TAOK1: variants seen among roughly 807,000 people sequenced by gnomAD.
TAOK1 encodes the protein serine/threonine-protein kinase TAO1.
A neutral mutation model predicts 138.3 loss-of-function variants in TAOK1; 21 were observed. That is an observed-to-expected ratio of 0.15 (90% CI 0.11 to 0.22). TAOK1 has a LOEUF of 0.22. TAOK1 is among the 10% of genes least tolerant of loss of function. The pLI is 1.00. For synonymous variants in TAOK1, 361 were observed against 398.4 expected (o/e 0.91, Z 1.12); for missense variants, 651 against 1,227.7 (o/e 0.53, Z 7.02).
At chr17:29,419,482 G>A (rs77078712) in intron 1 of TAOK1, among the ~76,000 whole-genome samples, 35,803 of 147,146 alleles carry the variant, frequency 0.24, 4,864 homozygotes, top group East Asian at 0.66. Context: ...GAGCCACTGC[G>A]CCCGGCAGTA....
At chr17:29,400,900 G>C (rs2153020089) in intron 1 of TAOK1, among the ~76,000 whole-genome samples, 1 of 133,834 alleles carries the variant, frequency 7.5e-6, no homozygotes, top group Admixed American at 8.3e-5. Context: ...ACTTTTGTTT[G>C]CCTCTTTTTT....
intron 18 of TAOK1, among the ~76,000 whole-genome samples, chr17:29,532,424 G>A (rs2150773377): frequency 6.6e-6 from 1 of 150,904 alleles, no homozygotes; most frequent in Non-Finnish European, 1.5e-5. Flanking sequence ...TAGGACAATA[G>A]TGGAGGGAAG....
At chr17:29,530,962 A>ATT (rs66788063) in intron 18 of TAOK1, among the ~76,000 whole-genome samples, 1 of 96,186 alleles carries the variant, frequency 1.0e-5, no homozygotes, top group Admixed American at 1.5e-4. Context: ...ACAAGTACAA[A>ATT]TTTTTTTTTT....
chr17:29,522,162 A>T, intron 16 of TAOK1, 118 bp from the exon 17 acceptor site: 1 of 1,313,422 alleles, frequency 7.6e-7, no homozygotes, highest in South Asian at 1.5e-5. Context: ...TTACTATGCA[A>T]CTATAATTGA....
intron 12 of TAOK1, among the ~76,000 whole-genome samples, chr17:29,501,953 C>T (rs2091910042): frequency 6.6e-6 from 1 of 152,120 alleles, no homozygotes; most frequent in African/African-American, 2.4e-5. Context: ...GGGAGGATCG[C>T]TAGAGCCCAG....
At chr17:29,468,112 C>T (rs2030719262) in intron 3 of TAOK1, among the ~76,000 whole-genome samples, 1 of 117,120 alleles carries the variant, frequency 8.5e-6, no homozygotes. Context: ...CAGGTGTGAA[C>T]CACTGTGCTT....
intron 17 of TAOK1, among the ~76,000 whole-genome samples, chr17:29,523,756 A>T (rs185644333): frequency 6.6e-6 from 1 of 152,166 alleles, no homozygotes; most frequent in African/African-American, 2.4e-5. Context: ...TGCTCTGTAC[A>T]TATCTGTACA....
intron 2 of TAOK1, among the ~76,000 whole-genome samples, chr17:29,454,927 G>GT (rs923504905): frequency 1.3e-5 from 2 of 151,382 alleles, no homozygotes; most frequent in Admixed American, 6.6e-5. Flanking sequence ...GGTATTTTTT[G>GT]TTTTTTGTTG....
intron 17 of TAOK1, among the ~76,000 whole-genome samples, chr17:29,524,868 C>A (rs1272816689): frequency 6.6e-6 from 1 of 152,134 alleles, no homozygotes; most frequent in African/African-American, 2.4e-5. Flanking sequence ...CTGCCTACTC[C>A]GCTGTTTCTT....
intron 13 of TAOK1, among the ~76,000 whole-genome samples, chr17:29,505,549 A>G (rs1193218423): frequency 6.6e-6 from 1 of 152,056 alleles, no homozygotes; most frequent in African/African-American, 2.4e-5. Context: ...TAAAAATACA[A>G]AAATTAGCCG....
chr17:29,508,844 T>C (rs2031669438), intron 14 of TAOK1, among the ~76,000 whole-genome samples: 1 of 152,214 alleles, frequency 6.6e-6, no homozygotes, highest in South Asian at 2.1e-4. Context: ...ATTTTTGTTA[T>C]GTGAAACCTT....
At chr17:29,483,058 A>G (rs1425975011) in intron 8 of TAOK1, among the ~76,000 whole-genome samples, 1 of 152,110 alleles carries the variant, frequency 6.6e-6, no homozygotes, top group Non-Finnish European at 1.5e-5. Context: ...TCTTCTTATA[A>G]GAGCATTGCA....
Position 29,502,709 on chromosome 17 carries a change from C to A in TAOK1, c.1324C>A (p.Arg442=). ...TAATCGAGAACACTTTGCTACTATA[C>A]GGACAGCATCACTGGTATGTACTTA... ...YRNREHFATI[R]TASLVTRQMQ... The change falls in exon 13 of 20, where the codon CGG becomes AGG. Residue 442 remains arginine (R), a synonymous_variant. Coordinates refer to ENST00000261716, the MANE Select transcript of TAOK1 (RefSeq NM_020791.4). 1 of 1,613,480 alleles carries A rather than the reference C, an allele frequency of 6.2e-7. No individual in the cohort carries two copies. Among genetic ancestry groups the A allele is most frequent in the Non-Finnish European group, 8.5e-7 (1 of 1,179,828 alleles).
chr17:29,475,618 C>A lies in TAOK1; in HGVS notation c.205-52C>A, dbSNP rs1447246311. On this transcript the variant is annotated intron_variant, in intron 3 of 19. Coordinates refer to ENST00000261716, the MANE Select transcript of TAOK1 (RefSeq NM_020791.4). ...AGTAATTACTTTTATTCTTATATAACTTTCTGAGGAAAAGTCCTGTTCATA... is the reference window on the plus strand; with the variant it reads ...AGTAATTACTTTTATTCTTATATAAATTTCTGAGGAAAAGTCCTGTTCATA... 2.5e-6 allele frequency: 3 copies of A among 1,218,858 alleles called. No homozygotes were observed. In the Admixed American group the frequency reaches 6.3e-5, roughly 26 times the overall value. 75.5% of individuals were successfully genotyped at this position (1,218,858 alleles called of 1,614,324 possible).
In TAOK1 at chr17:29,396,414, A is replaced by G. The variant is rs956692400; in HGVS notation, c.-95+5390A>G. On this transcript the variant is annotated intron_variant, in intron 1 of 19. Transcript: ENST00000261716. ...AATTATTAAGTGCCTTGCATAATAG[A>G]TATACTGCAGCCTCCTAAAAATGCC... 2.0e-5 allele frequency among the ~76,000 whole-genome samples: 3 copies of G among 152,188 alleles called. No individual in the cohort carries two copies. In the East Asian group the frequency reaches 5.8e-4, roughly 29 times the overall value.
At chr17:29,393,783 A>C (rs1341265754) in intron 1 of TAOK1, among the ~76,000 whole-genome samples, 1 of 152,210 alleles carries the variant, frequency 6.6e-6, no homozygotes, top group Non-Finnish European at 1.5e-5. Flanking sequence ...TTAATAGTTT[A>C]AGATTATCTT....
At chr17:29,537,845 G>A (rs765582799) in intron 19 of TAOK1, among the ~76,000 whole-genome samples, 3 of 151,990 alleles carry the variant, frequency 2.0e-5, no homozygotes, top group East Asian at 1.9e-4. Context: ...TGGGTGTGGC[G>A]GCTCACGCCT....
rs370573054 is a variant in TAOK1 at position 29,461,211 on chromosome 17, G to A, written c.133-5934G>A. Reference sequence around the variant, plus strand: ...AGCCTGTAAAGAGCATTACTCAAACGTTGGTGAAATTTGAGTGCGTACTAT... The same window carrying A: ...AGCCTGTAAAGAGCATTACTCAAACATTGGTGAAATTTGAGTGCGTACTAT... On this transcript the variant is annotated intron_variant, in intron 2 of 19. Transcript: ENST00000261716. 5.2e-4 allele frequency among the ~76,000 whole-genome samples: 79 copies of A among 152,266 alleles called. 1 individual carries two copies. The South Asian group carries it at 0.011, about 22-fold the overall frequency.
chr17:29,537,610 GC>G (rs2032244848), intron 19 of TAOK1, among the ~76,000 whole-genome samples: 1 of 151,396 alleles, frequency 6.6e-6, no homozygotes, highest in Admixed American at 6.6e-5. Flanking sequence ...GTCCACCTCG[GC>G]CTCCCAAAGT....
Sources: allele counts gnomAD v4.1 joint callset (sites outside exome capture counted in the v4.1 genomes callset), GRCh38; gene constraint gnomAD v4.1.1; transcripts MANE v1.5; gene names NCBI Gene and HGNC (gene_info 2026-07-23, HGNC 2026-07-21).